MCPH1: variants seen among roughly 807,000 people sequenced by gnomAD.
MCPH1 encodes the protein microcephalin.
MCPH1 carries 104 observed loss-of-function variants against 84.5 expected under a neutral mutation model. The observed-to-expected ratio is 1.23, with a 90% CI of 1.05 to 1.45. MCPH1 has a LOEUF of 1.45. Among genes scored for constraint, MCPH1 ranks in the 40% most tolerant of loss-of-function variants. The probability of loss-of-function intolerance (pLI) is 0.00; values close to 1 mark genes in which losing one functional copy is unlikely to be tolerated. For missense variants in MCPH1, 1,498 were observed against 1,005.7 expected (o/e 1.49, Z -6.62); for synonymous variants, 514 against 366.8 (o/e 1.40, Z -4.58).
chr8:6,627,322 G>A, intron 13 of MCPH1: 4 of 982,682 alleles, frequency 4.1e-6, no homozygotes, highest in Non-Finnish European at 4.8e-6. Flanking sequence ...TGTGGAGAGT[G>A]GCAGAGAGGA....
At chr8:6,637,414 G>T (rs74807890) in intron 13 of MCPH1, among the ~76,000 whole-genome samples, 2,570 of 152,266 alleles carry the variant, frequency 0.017, 75 homozygotes, top group African/African-American at 0.059. Flanking sequence ...TCCAGGAATG[G>T]TAAGGGCTGA....
At chr8:6,547,749 GACTC>G (rs1822859375) in intron 12 of MCPH1, among the ~76,000 whole-genome samples, 1 of 152,128 alleles carries the variant, frequency 6.6e-6, no homozygotes, top group Admixed American at 6.5e-5. Context: ...CATCTCCACT[GACTC>G]ACTCGGTGGG....
intron 12 of MCPH1, among the ~76,000 whole-genome samples, chr8:6,532,810 G>C (rs1463448240): frequency 1.3e-5 from 2 of 152,194 alleles, no homozygotes; most frequent in Non-Finnish European, 2.9e-5. Flanking sequence ...AGGGACTGCT[G>C]GGTGCGGCCA....
At chr8:6,641,288 A>G (rs1179537934) in intron 13 of MCPH1, among the ~76,000 whole-genome samples, 7 of 152,220 alleles carry the variant, frequency 4.6e-5, no homozygotes, top group African/African-American at 1.2e-4. Flanking sequence ...AGTTTTTACA[A>G]CCTGGAAGAA....
intron 11 of MCPH1, among the ~76,000 whole-genome samples, chr8:6,482,439 C>G (rs1262730680): frequency 6.6e-6 from 1 of 152,226 alleles, no homozygotes; most frequent in Non-Finnish European, 1.5e-5. Flanking sequence ...ACTACTGTCT[C>G]TTTAATAACT....
chr8:6,432,363 T>C (rs1353914341), intron 4 of MCPH1, among the ~76,000 whole-genome samples: 1 of 152,246 alleles, frequency 6.6e-6, no homozygotes, highest in Non-Finnish European at 1.5e-5. Flanking sequence ...TTTTTTAATT[T>C]GTGTTAAATT....
intron 9 of MCPH1, among the ~76,000 whole-genome samples, chr8:6,470,595 C>T (rs184200705): frequency 3.3e-5 from 5 of 152,290 alleles, no homozygotes; most frequent in East Asian, 3.9e-4. Context: ...CTGAGATCCT[C>T]GTACTTTTAA....
At chr8:6,478,368 T>C (rs529043372) in intron 10 of MCPH1, among the ~76,000 whole-genome samples, 2 of 152,328 alleles carry the variant, frequency 1.3e-5, no homozygotes, top group Admixed American at 6.5e-5. Flanking sequence ...TTTGTAAATA[T>C]ATTATGAAAT....
intron 6 of MCPH1, among the ~76,000 whole-genome samples, chr8:6,441,268 T>A (rs1459604234): frequency 1.3e-5 from 2 of 152,256 alleles, no homozygotes; most frequent in Non-Finnish European, 2.9e-5. Context: ...GTGTATAAAC[T>A]AATTTGCCTT....
chr8:6,594,643 A>G (rs1828780284), intron 12 of MCPH1, among the ~76,000 whole-genome samples: 1 of 151,904 alleles, frequency 6.6e-6, no homozygotes, highest in South Asian at 2.1e-4. Context: ...TCTGGAGAAG[A>G]AAGTACTGAC....
chr8:6,630,781 T>TAA (rs1235237864), intron 13 of MCPH1, among the ~76,000 whole-genome samples: 1,339 of 58,210 alleles, frequency 0.023, 40 homozygotes, highest in African/African-American at 0.083. Flanking sequence ...AACTCTGTCC[T>TAA]AAAAAAAAAA....
At chr8:6,578,446 C>G (rs908687275) in intron 12 of MCPH1, among the ~76,000 whole-genome samples, 1 of 152,144 alleles carries the variant, frequency 6.6e-6, no homozygotes, top group Non-Finnish European at 1.5e-5. Context: ...TCCATGTTTT[C>G]TATGCCGATT....
chr8:6,549,689 C>G (rs1341327200), intron 12 of MCPH1, among the ~76,000 whole-genome samples: 3 of 119,126 alleles, frequency 2.5e-5, no homozygotes, highest in Non-Finnish European at 3.4e-5. Flanking sequence ...CCTTCCGTAT[C>G]GAGCTGGGCG....
At chr8:6,433,741 A>G (rs1802204213) in intron 4 of MCPH1, among the ~76,000 whole-genome samples, 1 of 151,378 alleles carries the variant, frequency 6.6e-6, no homozygotes, top group South Asian at 2.1e-4. Flanking sequence ...TTGCTTGTAC[A>G]CTTTACCACT....
At chr8:6,526,921 T>A (rs1335185858) in intron 12 of MCPH1, among the ~76,000 whole-genome samples, 2 of 152,164 alleles carry the variant, frequency 1.3e-5, no homozygotes, top group Non-Finnish European at 2.9e-5. Context: ...TTCTATATTT[T>A]ATTTAAATAT....
At chr8:6,597,368 G>A (rs79991785) in intron 12 of MCPH1, among the ~76,000 whole-genome samples, 164 of 152,288 alleles carry the variant, frequency 1.1e-3, no homozygotes, top group Non-Finnish European at 1.2e-3. Context: ...AGACTTCTAG[G>A]AAGAGATTCC....
chr8:6,467,921 G>T (rs12550299), intron 9 of MCPH1, among the ~76,000 whole-genome samples: 1 of 152,064 alleles, frequency 6.6e-6, no homozygotes, highest in Non-Finnish European at 1.5e-5. Context: ...TTGTGGAGTT[G>T]GAAGGTAGAG....
rs59378325 is a variant in MCPH1 at position 6,640,097 on chromosome 8, TGCGC to T, written c.2453-2891_2453-2888del. Among the ~76,000 whole-genome samples, 235 of 131,482 alleles carry T rather than the reference TGCGC, an allele frequency of 1.8e-3. 2 individuals carry two copies. The highest frequency in any genetic ancestry group is 7.1e-3 in the East Asian group (29 of 4,102). 86.3% of individuals were successfully genotyped at this position (131,482 alleles called of 152,430 possible). A position where few individuals can be genotyped will look rare whatever the true frequency, so the allele number is the denominator to read the frequency against. ...GTGTGTGTGTGTGTGTGTGTGTGTG[TGCGC>T]GCGCGTGTGTGTGTGTGTGCGTGTG... On this transcript the variant is annotated intron_variant, in intron 13 of 13. Coordinates refer to ENST00000344683, the MANE Select transcript of MCPH1 (RefSeq NM_024596.5).
chr8:6,451,509 T>C (rs1032837861), intron 8 of MCPH1, among the ~76,000 whole-genome samples: 1 of 152,252 alleles, frequency 6.6e-6, no homozygotes, highest in African/African-American at 2.4e-5. Flanking sequence ...GATATTGGAA[T>C]GACCTCTACA....
Sources: allele counts gnomAD v4.1 joint callset (sites outside exome capture counted in the v4.1 genomes callset), GRCh38; gene constraint gnomAD v4.1.1; transcripts MANE v1.5; gene names NCBI Gene and HGNC (gene_info 2026-07-23, HGNC 2026-07-21).